PPFIBP1: variants seen among roughly 807,000 people sequenced by gnomAD.
The protein encoded by PPFIBP1 is PPFIB scaffold protein 1, also known as liprin-beta-1.
Under a neutral mutation model 137.8 loss-of-function variants are expected in PPFIBP1, and 112 were observed. The observed-to-expected ratio is 0.81, with a 90% CI of 0.70 to 0.95. The LOEUF (loss-of-function observed/expected upper bound fraction) is 0.95, where lower values mean the gene tolerates loss of function less well. Among genes scored for constraint, PPFIBP1 ranks in the 40% least tolerant of loss-of-function variants. The pLI, the probability that PPFIBP1 is intolerant of heterozygous loss-of-function variation, is 0.00. For missense variants in PPFIBP1, 1,083 were observed against 1,196.6 expected (o/e 0.91, Z 1.40); for synonymous variants, 378 against 417.3 (o/e 0.91, Z 1.15).
intron 4 of PPFIBP1, among the ~76,000 whole-genome samples, chr12:27,641,229 C>T (rs1048962558): frequency 2.0e-5 from 3 of 152,162 alleles, no homozygotes; most frequent in Admixed American, 1.3e-4. Flanking sequence ...GAATCTTACA[C>T]TCAAAATTAG....
chr12:27,602,673 A>G (rs2054123515), intron 2 of PPFIBP1, among the ~76,000 whole-genome samples: 1 of 152,242 alleles, frequency 6.6e-6, no homozygotes, highest in East Asian at 1.9e-4. Context: ...ACCCTCTGGT[A>G]TTCATCAGAG....
chr12:27,655,511 T>G (rs2059143140), intron 8 of PPFIBP1, among the ~76,000 whole-genome samples: 1 of 152,228 alleles, frequency 6.6e-6, no homozygotes. Flanking sequence ...AGTAAAATAA[T>G]TGTAAACATT....
intron 1 of PPFIBP1, among the ~76,000 whole-genome samples, chr12:27,533,479 G>C (rs1817781131): frequency 6.6e-6 from 1 of 152,186 alleles, no homozygotes; most frequent in African/African-American, 2.4e-5. Flanking sequence ...CAGATCATGT[G>C]TGTCAGACTC....
At chr12:27,682,752 G>A (rs1334995902) in intron 24 of PPFIBP1, 49 bp downstream of exon 24, 1 of 1,611,558 alleles carries the variant, frequency 6.2e-7, no homozygotes, top group East Asian at 2.2e-5. Context: ...TTTTTTCTCT[G>A]AAAAACACAG....
At chr12:27,554,764 T>C (rs937835971) in intron 1 of PPFIBP1, among the ~76,000 whole-genome samples, 5 of 152,176 alleles carry the variant, frequency 3.3e-5, no homozygotes, top group Admixed American at 1.3e-4. Flanking sequence ...AGATCCTACA[T>C]CTGGAGTCTT....
At chr12:27,596,259 G>A (rs2053292620) in intron 2 of PPFIBP1, among the ~76,000 whole-genome samples, 1 of 152,106 alleles carries the variant, frequency 6.6e-6, no homozygotes, top group African/African-American at 2.4e-5. Context: ...CCATGACTCA[G>A]TCTCACTTTT....
chr12:27,647,639 A>AT, intron 5 of PPFIBP1, 90 bp from the exon 6 acceptor site: 1 of 720,064 alleles, frequency 1.4e-6, no homozygotes, highest in South Asian at 2.6e-5. Context: ...TGGTAGGATC[A>AT]TTCCTTTTTT....
chr12:27,603,306 T>G (rs1180012088), intron 2 of PPFIBP1, among the ~76,000 whole-genome samples: 1 of 152,100 alleles, frequency 6.6e-6, no homozygotes, highest in African/African-American at 2.4e-5. Flanking sequence ...CTTTGCAGAG[T>G]TTTTGAAATG....
chr12:27,613,452 C>T (rs1361110113), intron 2 of PPFIBP1, among the ~76,000 whole-genome samples: 3 of 152,132 alleles, frequency 2.0e-5, no homozygotes, highest in Non-Finnish European at 4.4e-5. Context: ...GCCTATAATC[C>T]CAGCACTTTG....
At chr12:27,526,603 G>A (rs764888725) in intron 1 of PPFIBP1, among the ~76,000 whole-genome samples, 1 of 152,118 alleles carries the variant, frequency 6.6e-6, no homozygotes, top group Non-Finnish European at 1.5e-5. Flanking sequence ...GGAGGCTGAG[G>A]CACGCAGATC....
At chr12:27,527,213 A>G (rs918576909) in intron 1 of PPFIBP1, among the ~76,000 whole-genome samples, 1 of 152,048 alleles carries the variant, frequency 6.6e-6, no homozygotes, top group Non-Finnish European at 1.5e-5. Context: ...CAAACTGTTA[A>G]CTGAAAGAAG....
chr12:27,548,681 T>C (rs1286114799), intron 1 of PPFIBP1: 1 of 152,182 alleles, frequency 6.6e-6, no homozygotes, highest in African/African-American at 2.4e-5. Context: ...AGGCAATGGG[T>C]TGTGCTCCTC....
chr12:27,535,802 C>T (rs948759140), intron 1 of PPFIBP1, among the ~76,000 whole-genome samples: 1 of 152,208 alleles, frequency 6.6e-6, no homozygotes, highest in Non-Finnish European at 1.5e-5. Flanking sequence ...AGAAACACTG[C>T]ACAAAACTAA....
chr12:27,640,272 G>C (rs2058019539), intron 4 of PPFIBP1, among the ~76,000 whole-genome samples: 1 of 152,190 alleles, frequency 6.6e-6, no homozygotes, highest in Middle Eastern at 3.2e-3. Flanking sequence ...CTTTGGGAAA[G>C]TGAGTTAAGA....
At position 27,693,217 on chromosome 12, in the gene PPFIBP1, G is replaced by C. The variant is rs2140676977; in HGVS notation, c.*335G>C. 1 of 199,304 alleles carries C rather than the reference G, an allele frequency of 5.0e-6. No individual in the cohort carries two copies. Among genetic ancestry groups the C allele is most frequent in the East Asian group, 1.3e-4 (1 of 7,414 alleles). The allele number at this position is 199,304 out of a possible 1,614,324, so 12.3% of individuals were successfully genotyped here. ...TGGAGGATTTGAGGAACAGTAACCA[G>C]GATGTGAATGATTTTGTTACATCAG... is the stretch of plus-strand genomic sequence containing the variant. On this transcript the variant is annotated 3_prime_UTR_variant, in exon 30 of 30. Coordinates refer to ENST00000228425, the MANE Select transcript of PPFIBP1 (RefSeq NM_003622.4).
At chr12:27,630,520 A>G (rs1183615138) in intron 2 of PPFIBP1, among the ~76,000 whole-genome samples, 1 of 152,126 alleles carries the variant, frequency 6.6e-6, no homozygotes, top group Non-Finnish European at 1.5e-5. Flanking sequence ...TAAAGTCTCT[A>G]TTAACAGCAC....
Position 27,578,837 on chromosome 12 carries a change from T to C in PPFIBP1, c.-36+598T>C, listed in dbSNP as rs142171666. On this transcript the variant is annotated intron_variant, in intron 2 of 29. Transcript: ENST00000228425. The stretch of plus-strand genomic sequence containing the variant: ...CCAGGCATGGCCCTGACACTACTTA[T>C]TACCTTATCTTCAAGGCACCCTTGC... Among the ~76,000 whole-genome samples, 916 of 152,340 alleles carry C rather than the reference T, an allele frequency of 6.0e-3. 16 individuals carry two copies. Among genetic ancestry groups the C allele is most frequent in the African/African-American group, 0.021 (867 of 41,572 alleles).
chr12:27,561,103 G>C (rs1460576926), intron 1 of PPFIBP1, among the ~76,000 whole-genome samples: 1 of 152,188 alleles, frequency 6.6e-6, no homozygotes, highest in Non-Finnish European at 1.5e-5. Flanking sequence ...CTAACATAGT[G>C]GGGTATAGGG....
chr12:27,643,485 A>G lies in PPFIBP1; in HGVS notation c.271-2577A>G, dbSNP rs142182456. ...GTCGCTGGCATATAGCAAACAGTGA[A>G]TTCAAGGAAGACCTCACAGACCAAG... On this transcript the variant is annotated intron_variant, in intron 4 of 29. Coordinates refer to ENST00000228425, the MANE Select transcript of PPFIBP1 (RefSeq NM_003622.4). 4.7e-3 allele frequency among the ~76,000 whole-genome samples: 578 copies of G among 123,158 alleles called. 2 individuals are homozygous for G. Among genetic ancestry groups the G allele is most frequent in the East Asian group, 9.5e-3 (40 of 4,228 alleles). 80.8% of individuals were successfully genotyped at this position (123,158 alleles called of 152,430 possible).
Sources: allele counts gnomAD v4.1 joint callset (sites outside exome capture counted in the v4.1 genomes callset), GRCh38; gene constraint gnomAD v4.1.1; transcripts MANE v1.5; gene names NCBI Gene and HGNC (gene_info 2026-07-23, HGNC 2026-07-21).